The following CLCN5 variants were observed in gnomAD, a reference collection of about 807,000 sequenced individuals.
CLCN5 encodes the protein Cl-/H+ antiporter 5.
CLCN5 carries 17 observed loss-of-function variants against 54.0 expected under a neutral mutation model. That is an observed-to-expected ratio of 0.31 (90% confidence interval 0.22 to 0.47). CLCN5 has a LOEUF of 0.47. CLCN5 is among the 20% of genes least tolerant of loss of function. The pLI is 1.00. For synonymous variants in CLCN5, 222 were observed against 233.0 expected, an observed-to-expected ratio of 0.95 and a Z score of 0.43; for missense variants, 448 against 646.7, an observed-to-expected ratio of 0.69 and a Z score of 3.33.
At chrX:49,982,840 A>G (rs781971265) in intron 3 of CLCN5, among the ~76,000 whole-genome samples, 2 of 111,862 alleles carry the variant, frequency 1.8e-5, no homozygotes, top group East Asian at 5.6e-4. Flanking sequence ...TTTTGTTATT[A>G]TAGACTTTTC....
At chrX:50,039,559 T>C (rs1279210022) in intron 3 of CLCN5, among the ~76,000 whole-genome samples, 1 of 112,060 alleles carries the variant, frequency 8.9e-6, no homozygotes, top group Admixed American at 9.5e-5. Flanking sequence ...GGTACAGTTA[T>C]TTGTAAAGCA....
chrX:50,036,422 A>G (rs1408972602), intron 3 of CLCN5, among the ~76,000 whole-genome samples: 1 of 112,556 alleles, frequency 8.9e-6, no homozygotes, highest in African/African-American at 3.2e-5. Context: ...AAATGTTTGA[A>G]ATGAGGCAGC....
chrX:50,089,687 A>G lies in CLCN5; in HGVS notation c.1745-429A>G, dbSNP rs190309062. On this transcript the variant is annotated intron_variant, in intron 12 of 14. Coordinates refer to ENST00000376091, the MANE Select transcript of CLCN5 (RefSeq NM_001127898.4). ...GATCACTTGAGGTTAGGAGTTTGAG[A>G]CCAGCCTGGGCAACATAGTGAAACC... Among the ~76,000 whole-genome samples the G allele has an allele frequency of 3.0e-3, 340 of 111,489 alleles. 1 individual carries two copies. The highest frequency in any genetic ancestry group is 4.9e-3 in the Non-Finnish European group (258 of 53,060).
At chrX:50,034,963 C>T (rs980760520) in intron 3 of CLCN5, among the ~76,000 whole-genome samples, 30 of 111,488 alleles carry the variant, frequency 2.7e-4, no homozygotes, top group Non-Finnish European at 5.5e-4. Context: ...TGTTGCTCCT[C>T]AAAAACCTCA....
At position 50,075,643 on chromosome X, in the gene CLCN5, A is replaced by G. The variant is rs6651707; in HGVS notation, c.416-152A>G. Reference sequence around the variant, plus strand: ...AAATCAAGCAAACACACAATGAGAAAGAGGTTACAGGTGGAATGGGGAAGT... The same window carrying G: ...AAATCAAGCAAACACACAATGAGAAGGAGGTTACAGGTGGAATGGGGAAGT... On this transcript the variant is annotated intron_variant, in intron 6 of 14. Coordinates refer to ENST00000376091, the MANE Select transcript of CLCN5 (RefSeq NM_001127898.4). 5.3e-3 allele frequency: 2,773 copies of G among 524,120 alleles called. 50 individuals carry two copies. The African/African-American group carries it at 0.056, about 11-fold the overall frequency. The allele number at this position is 524,120 out of a possible 1,213,427, so 43.2% of individuals were successfully genotyped here.
intron 8 of CLCN5, among the ~76,000 whole-genome samples, chrX:50,081,056 C>G (rs1440415601): frequency 9.0e-6 from 1 of 111,413 alleles, no homozygotes; most frequent in African/African-American, 3.3e-5. Context: ...GAAAGAAAAT[C>G]ATTTGGTACC....
chrX:49,935,263 C>T, intron 3 of CLCN5, among the ~76,000 whole-genome samples: 1 of 112,096 alleles, frequency 8.9e-6, no homozygotes. Context: ...GGTAACATTC[C>T]TAGCAACTAC....
chrX:50,013,395 TG>T (rs1370426868), intron 3 of CLCN5: 8 of 305,844 alleles, frequency 2.6e-5, no homozygotes, highest in African/African-American at 2.2e-4. Flanking sequence ...TGATGTGCCA[TG>T]AGCTGTGCTG....
chrX:50,018,038 G>A (rs782295138), intron 3 of CLCN5, among the ~76,000 whole-genome samples: 3 of 111,612 alleles, frequency 2.7e-5, no homozygotes, highest in Non-Finnish European at 5.7e-5. Context: ...GATTGGAACT[G>A]CACTGAACCT....
At chrX:50,035,837 A>G (rs1466157642) in intron 3 of CLCN5, among the ~76,000 whole-genome samples, 1 of 112,698 alleles carries the variant, frequency 8.9e-6, no homozygotes, top group Non-Finnish European at 1.9e-5. Flanking sequence ...AGAAAGTGAC[A>G]AAGGGCATAC....
intron 3 of CLCN5, among the ~76,000 whole-genome samples, chrX:49,991,991 A>G (rs1436028800): frequency 8.9e-6 from 1 of 111,922 alleles, no homozygotes; most frequent in East Asian, 2.8e-4. Context: ...CATTGACGCC[A>G]TCTGTCTGGC....
intron 10 of CLCN5, 39 bp from the exon 11 acceptor site, chrX:50,086,289 G>A (rs1557193880): frequency 1.5e-5 from 17 of 1,159,407 alleles, no homozygotes; most frequent in Middle Eastern, 2.4e-4. Flanking sequence ...TAGTTTCTGC[G>A]TATTGACTGA....
At chrX:50,034,995 G>T (rs1931922938) in intron 3 of CLCN5, among the ~76,000 whole-genome samples, 1 of 110,948 alleles carries the variant, frequency 9.0e-6, no homozygotes, top group Admixed American at 9.6e-5. Context: ...GACTTACCAG[G>T]TCCTTCATGA....
chrX:50,088,665 T>G (rs782343362), intron 11 of CLCN5, 33 bp from the exon 12 acceptor site: 14 of 1,181,775 alleles, frequency 1.2e-5, no homozygotes, highest in Non-Finnish European at 1.5e-5. Context: ...TCACATCATT[T>G]CTCACTAACC....
chrX:50,055,807 A>T (rs1254163008), intron 4 of CLCN5, among the ~76,000 whole-genome samples: 2 of 111,435 alleles, frequency 1.8e-5, no homozygotes, highest in Admixed American at 9.6e-5. Flanking sequence ...ACACACATTT[A>T]AAAAAAGACA....
chrX:50,072,891 AG>A (rs1188303735), intron 6 of CLCN5, among the ~76,000 whole-genome samples: 2 of 110,163 alleles, frequency 1.8e-5, no homozygotes, highest in Non-Finnish European at 3.8e-5. Flanking sequence ...TGTTGGAGAC[AG>A]TTTTTTTTTT....
At chrX:50,040,526 T>A (rs1311596298) in intron 3 of CLCN5, among the ~76,000 whole-genome samples, 5 of 112,205 alleles carry the variant, frequency 4.5e-5, no homozygotes, top group Non-Finnish European at 9.4e-5. Flanking sequence ...AACATTGAGA[T>A]TGCATTTCTT....
chrX:50,014,262 A>G (rs1930669407), intron 3 of CLCN5, among the ~76,000 whole-genome samples: 1 of 111,239 alleles, frequency 9.0e-6, no homozygotes, highest in South Asian at 3.9e-4. Context: ...CCTGTGAGTC[A>G]CACTTCCTCC....
chrX:49,987,855 A>G (rs1475961126), intron 3 of CLCN5, among the ~76,000 whole-genome samples: 1 of 111,673 alleles, frequency 9.0e-6, no homozygotes, highest in Non-Finnish European at 1.9e-5. Context: ...GCAAGCGGCT[A>G]TTTTAATATG....
Sources: gnomAD v4.1 joint callset for allele counts (sites outside exome capture counted in the v4.1 genomes callset) on GRCh38, gnomAD v4.1.1 for gene constraint, MANE v1.5 for transcripts, NCBI Gene and HGNC (gene_info 2026-07-23, HGNC 2026-07-21) for gene names.